Variants in PTPRT observed in about 807,000 individuals in gnomAD.
PTPRT encodes the protein receptor-type tyrosine-protein phosphatase T.
In PTPRT, 56 loss-of-function variants were observed where a neutral mutation model predicts 176.8. That is an observed-to-expected ratio of 0.32 (90% CI 0.26 to 0.40). The LOEUF is 0.40. Among genes scored for constraint, PTPRT ranks in the 10% least tolerant of loss-of-function variants. The pLI is 1.00. For synonymous variants in PTPRT, 783 were observed against 739.0 expected (o/e 1.06, Z -0.96); for missense variants, 1,540 against 1,908.2 (o/e 0.81, Z 3.60).
chr20:42,346,251 C>T lies in PTPRT; in HGVS notation c.1865+4377G>A, dbSNP rs562904567. 6.9e-4 allele frequency among the ~76,000 whole-genome samples: 105 copies of T among 152,214 alleles called. 2 individuals carry two copies. The highest frequency in any genetic ancestry group is 6.0e-3 in the Admixed American group (92 of 15,300). On this transcript the variant is annotated intron_variant, in intron 11 of 30. Transcript: ENST00000373187. ...AAGGAAGTCTTCAGGGATCAGGGGACGGTCTGTTATAGAACCTGGGGCTCT... is the reference window on the plus strand; with the variant it reads ...AAGGAAGTCTTCAGGGATCAGGGGATGGTCTGTTATAGAACCTGGGGCTCT...
chr20:42,457,253 A>G (rs1368871754), intron 8 of PTPRT, among the ~76,000 whole-genome samples: 1 of 152,216 alleles, frequency 6.6e-6, no homozygotes, highest in East Asian at 1.9e-4. Flanking sequence ...ATAAATAAGA[A>G]TAATAAATAG....
intron 1 of PTPRT, among the ~76,000 whole-genome samples, chr20:43,168,481 T>G (rs985984299): frequency 1.6e-3 from 251 of 152,328 alleles, no homozygotes; most frequent in African/African-American, 5.9e-3. Flanking sequence ...CTAGTGGCTG[T>G]ATCATTATTT....
At chr20:42,266,807 T>C (rs1477115311) in intron 13 of PTPRT, among the ~76,000 whole-genome samples, 1 of 152,164 alleles carries the variant, frequency 6.6e-6, no homozygotes, top group East Asian at 1.9e-4. Context: ...CTAGATGTGT[T>C]ACCTCTTGAT....
intron 13 of PTPRT, chr20:42,270,300 G>A: frequency 1.7e-6 from 2 of 1,189,332 alleles, no homozygotes; most frequent in South Asian, 1.3e-5. Context: ...GGGTGGGGTG[G>A]AAAGACTGCT....
At chr20:42,839,216 G>T (rs573287121) in intron 2 of PTPRT, among the ~76,000 whole-genome samples, 8 of 151,694 alleles carry the variant, frequency 5.3e-5, no homozygotes, top group African/African-American at 1.7e-4. Flanking sequence ...CCTTGGGCAG[G>T]ATTCTGATCC....
At chr20:43,044,601 C>T (rs1370730085) in intron 1 of PTPRT, among the ~76,000 whole-genome samples, 5 of 152,166 alleles carry the variant, frequency 3.3e-5, no homozygotes, top group Admixed American at 2.0e-4. Flanking sequence ...CTGCCGCATG[C>T]CCTTGTTACT....
intron 16 of PTPRT, among the ~76,000 whole-genome samples, chr20:42,181,971 A>T (rs901434877): frequency 2.6e-5 from 4 of 152,354 alleles, no homozygotes; most frequent in Middle Eastern, 3.4e-3. Flanking sequence ...ACATTTAATC[A>T]TAGACCTGAA....
At chr20:42,535,410 C>T (rs778168657) in intron 7 of PTPRT, among the ~76,000 whole-genome samples, 24 of 152,104 alleles carry the variant, frequency 1.6e-4, no homozygotes, top group Admixed American at 5.2e-4. Flanking sequence ...AATCTGTACA[C>T]CAACCCTGTA....
intron 2 of PTPRT, 73 bp from the exon 3 acceptor site, chr20:42,791,539 A>G: frequency 6.8e-7 from 1 of 1,460,764 alleles, no homozygotes; most frequent in Admixed American, 2.1e-5. Context: ...AATCAGTCAC[A>G]CCCATAAACA....
intron 7 of PTPRT, among the ~76,000 whole-genome samples, chr20:42,614,922 C>CT (rs559377337): frequency 5.9e-4 from 81 of 137,254 alleles, no homozygotes; most frequent in Middle Eastern, 3.7e-3. Flanking sequence ...TTGTTGTTTT[C>CT]TTTTTTTTTT....
chr20:43,110,955 A>G (rs1018175611), intron 1 of PTPRT, among the ~76,000 whole-genome samples: 11 of 152,322 alleles, frequency 7.2e-5, no homozygotes, highest in African/African-American at 2.2e-4. Flanking sequence ...ATGAGGTCCA[A>G]TGTGGGTGGG....
intron 1 of PTPRT, among the ~76,000 whole-genome samples, chr20:43,014,106 G>A (rs939908413): frequency 6.6e-6 from 1 of 152,086 alleles, no homozygotes; most frequent in East Asian, 1.9e-4. Context: ...TTAAAACATA[G>A]TGCCATATTG....
chr20:43,119,677 T>C (rs547261814), intron 1 of PTPRT, among the ~76,000 whole-genome samples: 1 of 152,228 alleles, frequency 6.6e-6, no homozygotes, highest in Non-Finnish European at 1.5e-5. Flanking sequence ...TCAACATTCA[T>C]CCTTTTTATG....
intron 11 of PTPRT, among the ~76,000 whole-genome samples, chr20:42,333,628 A>G (rs1434972887): frequency 6.6e-6 from 1 of 151,932 alleles, no homozygotes; most frequent in Non-Finnish European, 1.5e-5. Flanking sequence ...CACTGCGCCC[A>G]GCCAGGCTTA....
chr20:42,978,203 AAG>A (rs199722693), intron 1 of PTPRT, among the ~76,000 whole-genome samples: 1,601 of 152,366 alleles, frequency 0.011, 30 homozygotes, highest in African/African-American at 0.037. Flanking sequence ...TAGACACAGT[AAG>A]AGATTAATAA....
intron 18 of PTPRT, among the ~76,000 whole-genome samples, chr20:42,141,008 A>C (rs1382701459): frequency 6.6e-6 from 1 of 152,192 alleles, no homozygotes; most frequent in Non-Finnish European, 1.5e-5. Flanking sequence ...AAACCTGGGC[A>C]GTTTGACTCC....
intron 16 of PTPRT, among the ~76,000 whole-genome samples, chr20:42,197,851 T>C (rs1339606183): frequency 3.9e-5 from 6 of 152,214 alleles, no homozygotes; most frequent in Non-Finnish European, 7.3e-5. Context: ...TTCATTTTGC[T>C]GTCTTCTCAA....
At chr20:42,081,371 G>C (rs1254869829) in intron 30 of PTPRT, among the ~76,000 whole-genome samples, 2 of 152,090 alleles carry the variant, frequency 1.3e-5, no homozygotes, top group South Asian at 2.1e-4. Context: ...ACCACTATTC[G>C]AGTAGGTTTA....
At chr20:42,303,737 C>A (rs975268184) in intron 12 of PTPRT, among the ~76,000 whole-genome samples, 2 of 152,050 alleles carry the variant, frequency 1.3e-5, no homozygotes, top group African/African-American at 4.8e-5. Flanking sequence ...GTTGTCCAGG[C>A]AGAAGATGTT....
Sources: gnomAD v4.1 joint callset for allele counts (sites outside exome capture counted in the v4.1 genomes callset) on GRCh38, gnomAD v4.1.1 for gene constraint, MANE v1.5 for transcripts, NCBI Gene and HGNC (gene_info 2026-07-23, HGNC 2026-07-21) for gene names.